OPA1: variants seen among roughly 807,000 people sequenced by gnomAD.
OPA1 encodes OPA1 mitochondrial dynamin like GTPase.
A neutral mutation model predicts 152.9 loss-of-function variants in OPA1; 59 were observed. The observed-to-expected ratio is 0.39, with a 90% CI of 0.31 to 0.48. OPA1 has a LOEUF of 0.48. Ranked by LOEUF, OPA1 falls within the 20% of genes least tolerant of loss-of-function variation. The pLI is 0.96. For synonymous variants in OPA1, 400 were observed against 389.9 expected, an observed-to-expected ratio of 1.03 and a Z score of -0.31; for missense variants, 1,008 against 1,216.8, an observed-to-expected ratio of 0.83 and a Z score of 2.55.
At position 193,643,356 on chromosome 3, in the gene OPA1, T is replaced by C; in HGVS notation, c.1306-17T>C. Reference sequence around the variant, plus strand: ...CCCAAACTTTAGCATTGTTTTATTTTTATTTTTCCTGAGTAGACCATATCC... The same window carrying C: ...CCCAAACTTTAGCATTGTTTTATTTCTATTTTTCCTGAGTAGACCATATCC... On this transcript the variant is annotated splice_polypyrimidine_tract_variant and intron_variant, in intron 13 of 30. Transcript: ENST00000361510. The C allele has an allele frequency of 6.3e-7, 1 of 1,593,366 alleles. No homozygotes were observed. The highest frequency in any genetic ancestry group is 8.6e-7 in the Non-Finnish European group (1 of 1,161,560).
At chr3:193,637,169 A>T (rs769751407) in intron 9 of OPA1, 26 bp from the exon 10 acceptor site, 17 of 1,320,938 alleles carry the variant, frequency 1.3e-5, no homozygotes, top group Non-Finnish European at 1.8e-5. Context: ...ACTGTTTTAT[A>T]TTATAACTTT....
At chr3:193,638,660 GA>G (rs753282660) in intron 11 of OPA1, among the ~76,000 whole-genome samples, 41 of 152,298 alleles carry the variant, frequency 2.7e-4, no homozygotes, top group Non-Finnish European at 4.9e-4. Context: ...TTAAAAGTCA[GA>G]TTTATCAAAT....
chr3:193,640,850 C>G (rs988820870), intron 11 of OPA1, among the ~76,000 whole-genome samples: 1 of 152,098 alleles, frequency 6.6e-6, no homozygotes, highest in Non-Finnish European at 1.5e-5. Context: ...GAGGCTGATG[C>G]TGAAATCTTC....
intron 29 of OPA1, among the ~76,000 whole-genome samples, chr3:193,690,073 C>G (rs772976562): frequency 6.7e-6 from 1 of 149,468 alleles, no homozygotes; most frequent in African/African-American, 2.5e-5. Context: ...AATTTTTAAA[C>G]TAAGAATGTG....
intron 1 of OPA1, among the ~76,000 whole-genome samples, chr3:193,602,822 T>C (rs1205198711): frequency 6.6e-6 from 1 of 152,222 alleles, no homozygotes; most frequent in Non-Finnish European, 1.5e-5. Context: ...ACTGGAGACT[T>C]TTAGAGGGAT....
rs766448341 is a variant in OPA1, at chr3:193,688,449, CTTTTTTTTTTTTTTTTTTTTTTTTT to C, written c.2984-3591_2984-3567del. 1.0e-3 allele frequency among the ~76,000 whole-genome samples: 64 copies of C among 63,354 alleles called. 1 individual carries two copies. The highest frequency in any genetic ancestry group is 2.1e-3 in the Admixed American group (10 of 4,664). 41.6% of individuals were successfully genotyped at this position (63,354 alleles called of 152,430 possible). ...TGATTTTTACTGAAATGGGTCTTTT[CTTTTTTTTTTTTTTTTTTTTTTTTT>C]TTTTTTTTTTTTTTTTTTTTTTGAG... is the stretch of plus-strand genomic sequence containing the variant. On this transcript the variant is annotated intron_variant, in intron 29 of 30. Coordinates refer to ENST00000361510, the MANE Select transcript of OPA1 (RefSeq NM_130837.3).
intron 29 of OPA1, chr3:193,668,934 T>G (rs1717308109): frequency 3.3e-6 from 3 of 911,612 alleles, no homozygotes; most frequent in Admixed American, 5.3e-5. Flanking sequence ...AGTTGGTACC[T>G]CTGTTTGAGC....
intron 1 of OPA1, among the ~76,000 whole-genome samples, chr3:193,602,447 A>G (rs1726608074): frequency 6.6e-6 from 1 of 152,320 alleles, no homozygotes. Flanking sequence ...ACCTGGTGGA[A>G]GTATACTTTG....
chr3:193,675,013 A>G (rs929180400), intron 29 of OPA1, among the ~76,000 whole-genome samples: 7 of 152,180 alleles, frequency 4.6e-5, no homozygotes, highest in African/African-American at 1.7e-4. Context: ...CTTTCAGTGC[A>G]TAGCAAGACA....
chr3:193,644,395 C>G lies in OPA1; in HGVS notation c.1608+290C>G, dbSNP rs59046055. Among the ~76,000 whole-genome samples, 861 of 152,252 alleles carry G rather than the reference C, an allele frequency of 5.7e-3. 12 individuals are homozygous for G. Among genetic ancestry groups the G allele is most frequent in the African/African-American group, 0.019 (805 of 41,542 alleles). On this transcript the variant is annotated intron_variant, in intron 16 of 30. Transcript: ENST00000361510. ...TTAGAGACTCAGCTCCTAAGGTTTTCATCGGAGGTTAGTCATTTCGGCACC... is the reference window on the plus strand; with the variant it reads ...TTAGAGACTCAGCTCCTAAGGTTTTGATCGGAGGTTAGTCATTTCGGCACC...
chr3:193,631,571 A>C (rs1207157760), intron 7 of OPA1, 41 bp from the exon 8 acceptor site: 1 of 1,466,466 alleles, frequency 6.8e-7, no homozygotes, highest in Non-Finnish European at 9.5e-7. Flanking sequence ...CATTCTGTAT[A>C]AACCTAATTC....
chr3:193,689,300 CT>C (rs1721362019), intron 29 of OPA1: 1 of 152,098 alleles, frequency 6.6e-6, no homozygotes. Context: ...TAACACTCAC[CT>C]CCAGTCTCCC....
At chr3:193,604,775 G>A (rs555240432) in intron 1 of OPA1, among the ~76,000 whole-genome samples, 14 of 146,820 alleles carry the variant, frequency 9.5e-5, no homozygotes, top group Admixed American at 3.5e-4. Context: ...CAGGAGAATC[G>A]CTTGAACCCA....
intron 2 of OPA1, 84 bp downstream of exon 2, chr3:193,615,125 T>C (rs538227293): frequency 9.6e-7 from 1 of 1,044,968 alleles, no homozygotes; most frequent in African/African-American, 1.6e-5. Context: ...TGTAGTGGAA[T>C]ACAATTGGAT....
intron 29 of OPA1, among the ~76,000 whole-genome samples, chr3:193,679,180 C>A (rs1434443685): frequency 7.9e-5 from 12 of 152,220 alleles, no homozygotes; most frequent in Non-Finnish European, 1.5e-5. Context: ...TGCAGCAGAC[C>A]ACCATGGCAC....
In OPA1 at chr3:193,649,996, A is replaced by G. The variant is rs1712003625; in HGVS notation, c.2012+1125A>G. 2.6e-5 allele frequency among the ~76,000 whole-genome samples: 4 copies of G among 152,306 alleles called. No individual in the cohort carries two copies. The South Asian group carries it at 8.3e-4, about 32-fold the overall frequency. Reference sequence around the variant, plus strand: ...TAGATTGTATGAGGGCATTTAATGTATATAAAAGTGATATGTAAACTGTAA... The same window carrying G: ...TAGATTGTATGAGGGCATTTAATGTGTATAAAAGTGATATGTAAACTGTAA... On this transcript the variant is annotated intron_variant, in intron 21 of 30. Coordinates refer to ENST00000361510, the MANE Select transcript of OPA1 (RefSeq NM_130837.3).
chr3:193,693,732 G>A (rs1577415744), intron 30 of OPA1, among the ~76,000 whole-genome samples: 1 of 152,298 alleles, frequency 6.6e-6, no homozygotes, highest in East Asian at 1.9e-4. Flanking sequence ...TTTTATAAGT[G>A]TCCGTGTTCA....
intron 16 of OPA1, 24 bp downstream of exon 16, chr3:193,644,129 A>G: frequency 1.9e-6 from 3 of 1,612,562 alleles, no homozygotes; most frequent in Middle Eastern, 1.7e-4. Flanking sequence ...CTTTGTTGCG[A>G]GAATAGATTC....
At chr3:193,599,861 C>G (rs1259879297) in intron 1 of OPA1, among the ~76,000 whole-genome samples, 1 of 152,158 alleles carries the variant, frequency 6.6e-6, no homozygotes, top group Non-Finnish European at 1.5e-5. Flanking sequence ...GTGGTCAGAA[C>G]AAATTTATAG....
Sources: allele counts gnomAD v4.1 joint callset (sites outside exome capture counted in the v4.1 genomes callset), GRCh38; gene constraint gnomAD v4.1.1; transcripts MANE v1.5; gene names NCBI Gene and HGNC (gene_info 2026-07-23, HGNC 2026-07-21).